Variants in ELP4 observed in about 807,000 individuals in gnomAD.
ELP4 encodes elongator complex protein 4.
A neutral mutation model predicts 48.9 loss-of-function variants in ELP4; 51 were observed. That is an observed-to-expected ratio of 1.04 (90% CI 0.83 to 1.32). The LOEUF is 1.32. Ranked by LOEUF, ELP4 falls within the 40% of genes most tolerant of loss-of-function variation. The pLI is 0.00. For missense variants in ELP4, 519 were observed against 514.6 expected (o/e 1.01, Z -0.08); for synonymous variants, 210 against 189.2 (o/e 1.11, Z -0.90).
intron 3 of ELP4, among the ~76,000 whole-genome samples, chr11:31,558,227 C>A (rs1956959837): frequency 6.6e-6 from 1 of 150,950 alleles, no homozygotes. Context: ...GCTTCTTTGG[C>A]AAAGTAAAAA....
intron 3 of ELP4, among the ~76,000 whole-genome samples, chr11:31,545,344 C>G (rs373982060): frequency 2.6e-5 from 4 of 152,098 alleles, no homozygotes; most frequent in African/African-American, 9.7e-5. Context: ...AATGCAGAAG[C>G]CTCAGTAGCC....
intron 9 of ELP4, among the ~76,000 whole-genome samples, chr11:31,741,752 C>T (rs1165889530): frequency 3.3e-5 from 5 of 152,122 alleles, no homozygotes; most frequent in Non-Finnish European, 7.4e-5. Flanking sequence ...CTGTACGTCA[C>T]CATCATCAAA....
intron 3 of ELP4, among the ~76,000 whole-genome samples, chr11:31,582,613 C>T (rs1957409706): frequency 6.6e-6 from 1 of 152,026 alleles, no homozygotes; most frequent in Non-Finnish European, 1.5e-5. Context: ...ATATTAGATG[C>T]TTTTCTCAAA....
intron 1 of ELP4, among the ~76,000 whole-genome samples, chr11:31,514,245 G>A (rs1956065215): frequency 1.3e-5 from 2 of 152,132 alleles, no homozygotes; most frequent in African/African-American, 4.8e-5. Flanking sequence ...GATTGCTTGA[G>A]CCTGGGAGTT....
chr11:31,762,675 TTAAA>T (rs1947967097), intron 9 of ELP4, among the ~76,000 whole-genome samples: 1 of 151,908 alleles, frequency 6.6e-6, no homozygotes, highest in South Asian at 2.1e-4. Context: ...ATGATTAATT[TTAAA>T]TAATTAACTA....
At chr11:31,641,289 C>A (rs765032651) in intron 7 of ELP4, among the ~76,000 whole-genome samples, 1 of 151,682 alleles carries the variant, frequency 6.6e-6, no homozygotes, top group Non-Finnish European at 1.5e-5. Context: ...TATTTCATTA[C>A]GGGGCATTAT....
At chr11:31,540,167 C>T (rs1565042399) in intron 3 of ELP4, among the ~76,000 whole-genome samples, 1 of 152,164 alleles carries the variant, frequency 6.6e-6, no homozygotes, top group Non-Finnish European at 1.5e-5. Flanking sequence ...ATTATAACAT[C>T]TTCATTTTGA....
chr11:31,685,845 C>T (rs1946149123), intron 9 of ELP4, among the ~76,000 whole-genome samples: 1 of 151,600 alleles, frequency 6.6e-6, no homozygotes, highest in Non-Finnish European at 1.5e-5. Context: ...GCAGGAGAAT[C>T]ACTTCAACCT....
rs535206646 is a variant in ELP4, at chr11:31,579,269, A to T, written c.382-15501A>T. On this transcript the variant is annotated intron_variant, in intron 3 of 9. Transcript: ENST00000640961. ...CACACCAGTTAGAATGGCGATCATTAAAAAGTCAGGAAAGAACAGGTGCTG... is the reference window on the plus strand; with the variant it reads ...CACACCAGTTAGAATGGCGATCATTTAAAAGTCAGGAAAGAACAGGTGCTG... Among the ~76,000 whole-genome samples the T allele has an allele frequency of 2.6e-5, 4 of 152,304 alleles. No individual in the cohort carries two copies. In the South Asian group the frequency reaches 8.3e-4, roughly 32 times the overall value.
intron 9 of ELP4, among the ~76,000 whole-genome samples, chr11:31,725,081 T>C (rs1272299203): frequency 6.6e-6 from 1 of 152,200 alleles, no homozygotes; most frequent in African/African-American, 2.4e-5. Context: ...TATGTTTCTT[T>C]ACACAGCTGC....
intron 9 of ELP4, among the ~76,000 whole-genome samples, chr11:31,756,836 C>A (rs1375249536): frequency 6.6e-6 from 1 of 152,188 alleles, no homozygotes; most frequent in Non-Finnish European, 1.5e-5. Context: ...TATCCTTTGA[C>A]ATAGATGAAA....
At chr11:31,763,403 T>A (rs1481527192) in intron 9 of ELP4, 1 of 1,584,418 alleles carries the variant, frequency 6.3e-7, no homozygotes, top group East Asian at 2.3e-5. Context: ...CTCTTTTCTC[T>A]GAGGCAGTGG....
chr11:31,699,017 CACA>C (rs1179838614), intron 9 of ELP4, among the ~76,000 whole-genome samples: 5 of 152,142 alleles, frequency 3.3e-5, no homozygotes, highest in Non-Finnish European at 7.4e-5. Context: ...CTCAAGCACA[CACA>C]ACAATATACA....
intron 5 of ELP4, among the ~76,000 whole-genome samples, chr11:31,623,833 A>G (rs189612961): frequency 6.7e-6 from 1 of 150,364 alleles, no homozygotes; most frequent in East Asian, 2.0e-4. Context: ...GTTCATATTC[A>G]AAATATTAAG....
At chr11:31,773,103 G>A (rs1055354683) in intron 9 of ELP4, among the ~76,000 whole-genome samples, 1 of 152,144 alleles carries the variant, frequency 6.6e-6, no homozygotes, top group Non-Finnish European at 1.5e-5. Context: ...CAGTTTTGGG[G>A]GCCTAGGATT....
chr11:31,571,227 T>C (rs1448777670), intron 3 of ELP4, among the ~76,000 whole-genome samples: 2 of 152,248 alleles, frequency 1.3e-5, no homozygotes, highest in Non-Finnish European at 2.9e-5. Context: ...GTATATGGAA[T>C]ATTCTAAATC....
intron 5 of ELP4, among the ~76,000 whole-genome samples, chr11:31,605,935 CTT>C (rs34201146): frequency 6.8e-6 from 1 of 146,162 alleles, no homozygotes. Context: ...AACCTCTGCT[CTT>C]TTTTTTTTTG....
intron 7 of ELP4, among the ~76,000 whole-genome samples, chr11:31,640,478 G>A (rs1469532665): frequency 6.6e-6 from 1 of 151,894 alleles, no homozygotes; most frequent in African/African-American, 2.4e-5. Flanking sequence ...TACCACGTCA[G>A]ATATTATGTC....
chr11:31,567,641 G>T (rs1341749259), intron 3 of ELP4, among the ~76,000 whole-genome samples: 1 of 152,112 alleles, frequency 6.6e-6, no homozygotes, highest in Non-Finnish European at 1.5e-5. Flanking sequence ...CCTTGGTTTT[G>T]ATATAAAGGC....
Sources: allele counts gnomAD v4.1 joint callset (sites outside exome capture counted in the v4.1 genomes callset), GRCh38; gene constraint gnomAD v4.1.1; transcripts MANE v1.5; gene names NCBI Gene and HGNC (gene_info 2026-07-23, HGNC 2026-07-21).